The following RALGAPA1 variants were observed in gnomAD, a reference collection of about 807,000 sequenced individuals.
The protein encoded by RALGAPA1 is ral GTPase-activating protein subunit alpha-1.
Under a neutral mutation model 269.6 loss-of-function variants are expected in RALGAPA1, and 52 were observed. The observed-to-expected ratio is 0.19, with a 90% confidence interval of 0.15 to 0.24. The LOEUF is 0.24. RALGAPA1 is among the 10% of genes least tolerant of loss of function. The probability of loss-of-function intolerance (pLI) is 1.00; values close to 1 mark genes in which losing one functional copy is unlikely to be tolerated. For missense variants in RALGAPA1, 1,917 were observed against 3,013.9 expected, an observed-to-expected ratio of 0.64 and a Z score of 8.52; for synonymous variants, 817 against 1,008.3, an observed-to-expected ratio of 0.81 and a Z score of 3.60.
intron 41 of RALGAPA1, chr14:35,542,629 C>A (rs1428789297): frequency 6.6e-6 from 1 of 152,160 alleles, no homozygotes; most frequent in Non-Finnish European, 1.5e-5. Flanking sequence ...GTAGTAACAA[C>A]CTACATTTCA....
At chr14:35,617,637 T>G (rs189182487) in intron 35 of RALGAPA1, among the ~76,000 whole-genome samples, 245 of 4,862 alleles carry the variant, frequency 0.05, no homozygotes, top group African/African-American at 0.061. Context: ...GTGTGTGGGG[T>G]GGGGGGGGGG....
At chr14:35,724,970 A>G in intron 14 of RALGAPA1, 54 bp downstream of exon 14, 2 of 1,385,380 alleles carry the variant, frequency 1.4e-6, no homozygotes, top group Non-Finnish European at 9.6e-7. Flanking sequence ...AACAAAACAA[A>G]ACAAAACAAC....
At chr14:35,646,013 AGTT>A (rs1260745415) in intron 31 of RALGAPA1, among the ~76,000 whole-genome samples, 3 of 152,206 alleles carry the variant, frequency 2.0e-5, no homozygotes, top group African/African-American at 7.2e-5. Flanking sequence ...AATAAATAAT[AGTT>A]AAGGATTACA....
At position 35,627,125 on chromosome 14, in the gene RALGAPA1, A is replaced by C; in HGVS notation, c.6822T>G (p.Leu2274=). ...AGGAATTCATTCCCAATATACTAAG[A>C]AGCAATCTGCAATAATAAAATGCTG... is the stretch of plus-strand genomic sequence containing the variant. The part of the protein sequence containing the change: ...PQSAFYYCRL[L]LSILGMNSWD... The change falls in exon 34 of 42, where the codon CTT becomes CTG. Residue 2274 remains leucine, a synonymous_variant. Coordinates refer to ENST00000680220, the MANE Select transcript of RALGAPA1 (RefSeq NM_001346249.2). 6.4e-7 allele frequency: 1 copy of C among 1,563,510 alleles called. No homozygotes were observed. Among genetic ancestry groups the C allele is most frequent in the East Asian group, 2.2e-5 (1 of 44,504 alleles).
intron 1 of RALGAPA1, among the ~76,000 whole-genome samples, chr14:35,781,702 C>A (rs903587275): frequency 1.3e-5 from 2 of 152,026 alleles, no homozygotes; most frequent in Non-Finnish European, 2.9e-5. Flanking sequence ...CACTGTAATA[C>A]CTTATGTTAA....
chr14:35,612,763 C>G (rs2060034943), intron 35 of RALGAPA1, among the ~76,000 whole-genome samples: 1 of 152,110 alleles, frequency 6.6e-6, no homozygotes. Context: ...TGGTCTCGAT[C>G]TCCTGACCTC....
intron 1 of RALGAPA1, among the ~76,000 whole-genome samples, chr14:35,787,689 C>T (rs2075886742): frequency 6.6e-6 from 1 of 151,662 alleles, no homozygotes; most frequent in South Asian, 2.1e-4. Flanking sequence ...AATTCTCTCA[C>T]CTCAGTCACC....
chr14:35,572,663 T>A lies in RALGAPA1; in HGVS notation c.7265A>T (p.Asp2422Val). Residue 2422 changes from aspartate (D) to valine (V), a missense_variant, in exon 38 of 42, where the codon GAC becomes GTC. Asp to Val is a radical substitution (Grantham distance 152, BLOSUM62 -3). This residue lies in a region of RALGAPA1 where 6 missense variants were observed against 35.2 expected (regional missense o/e 0.17). Coordinates refer to ENST00000680220, the MANE Select transcript of RALGAPA1 (RefSeq NM_001346249.2). Reference sequence around the variant, plus strand: ...TGTGGGAATAATTCCTCTCCTGTAGTCTCTAGTATGCTCTGACCAAACAAT... The same window carrying A: ...TGTGGGAATAATTCCTCTCCTGTAGACTCTAGTATGCTCTGACCAAACAAT... ...VHIVWSEHTR[D>V]YRRGIIPTEF... 1.9e-6 allele frequency: 3 copies of A among 1,610,554 alleles called. No individual in the cohort carries two copies. Among genetic ancestry groups the A allele is most frequent in the Middle Eastern group, 1.7e-4 (1 of 6,048 alleles).
chr14:35,795,812 ACC>A (rs1426847213), intron 1 of RALGAPA1, among the ~76,000 whole-genome samples: 1 of 115,662 alleles, frequency 8.6e-6, no homozygotes, highest in African/African-American at 4.6e-5. Context: ...CCATTTCTCT[ACC>A]AAAAAAAAAA....
intron 4 of RALGAPA1, chr14:35,765,787 C>T (rs2074092979): frequency 2.1e-6 from 1 of 475,010 alleles, no homozygotes; most frequent in Non-Finnish European, 3.8e-6. Flanking sequence ...TGAGCCACTA[C>T]AGCCAGCCAA....
At chr14:35,550,309 A>C (rs1009157614) in intron 39 of RALGAPA1, among the ~76,000 whole-genome samples, 1 of 152,144 alleles carries the variant, frequency 6.6e-6, no homozygotes, top group Non-Finnish European at 1.5e-5. Context: ...TGTGGTACTC[A>C]GTGTGCTATG....
At chr14:35,791,867 T>C (rs994004424) in intron 1 of RALGAPA1, among the ~76,000 whole-genome samples, 5 of 121,384 alleles carry the variant, frequency 4.1e-5, no homozygotes, top group African/African-American at 1.3e-4. Context: ...GATCTGCCAC[T>C]GCACTCCAGC....
At chr14:35,624,186 T>A (rs972130831) in intron 35 of RALGAPA1, among the ~76,000 whole-genome samples, 90 of 60,360 alleles carry the variant, frequency 1.5e-3, no homozygotes, top group Admixed American at 1.7e-3. Context: ...AACTTGGTAA[T>A]ATCCCTATGA....
In RALGAPA1 at chr14:35,744,920, T is replaced by G. The variant is rs376808645; in HGVS notation, c.1252-2355A>C. On this transcript the variant is annotated intron_variant, in intron 10 of 41. Coordinates refer to ENST00000680220, the MANE Select transcript of RALGAPA1 (RefSeq NM_001346249.2). ...GTATGTACTTCCCACTCAATTTTGC[T>G]GTCAATCTAAAACACTGAAAAATAA... 3.9e-5 allele frequency among the ~76,000 whole-genome samples: 6 copies of G among 152,226 alleles called. No homozygotes were observed. In the East Asian group the frequency reaches 1.2e-3, roughly 29 times the overall value.
intron 39 of RALGAPA1, among the ~76,000 whole-genome samples, chr14:35,557,718 A>T (rs1179495716): frequency 6.6e-6 from 1 of 152,184 alleles, no homozygotes; most frequent in Non-Finnish European, 1.5e-5. Flanking sequence ...AACACAGGAT[A>T]TGGAATAGTA....
intron 36 of RALGAPA1, among the ~76,000 whole-genome samples, chr14:35,603,413 T>C (rs542905160): frequency 2.0e-5 from 3 of 152,192 alleles, no homozygotes; most frequent in African/African-American, 7.2e-5. Flanking sequence ...GTTTGACAAA[T>C]AACCAAAGAG....
chr14:35,607,236 CCCCACT>C (rs2059655225), intron 35 of RALGAPA1, among the ~76,000 whole-genome samples: 1 of 152,194 alleles, frequency 6.6e-6, no homozygotes, highest in Admixed American at 6.5e-5. Flanking sequence ...TGTTTCCTTG[CCCCACT>C]CCCTCAGCTC....
chr14:35,755,108 G>A (rs1237683877), intron 7 of RALGAPA1, among the ~76,000 whole-genome samples: 1 of 152,098 alleles, frequency 6.6e-6, no homozygotes, highest in Non-Finnish European at 1.5e-5. Flanking sequence ...AGCATTTTGG[G>A]AGGCCAAGGT....
At chr14:35,624,486 C>G (rs1333486459) in intron 35 of RALGAPA1, among the ~76,000 whole-genome samples, 1 of 150,422 alleles carries the variant, frequency 6.6e-6, no homozygotes, top group East Asian at 1.9e-4. Context: ...AGGCAGATAA[C>G]AAACAAGTTT....
Sources: gnomAD v4.1 joint callset for allele counts (sites outside exome capture counted in the v4.1 genomes callset) on GRCh38, gnomAD v4.1.1 for gene constraint, gnomAD v4.1.1 regional missense constraint, MANE v1.5 for transcripts, NCBI Gene and HGNC (gene_info 2026-07-23, HGNC 2026-07-21) for gene names.